Variants in ARSB observed in about 807,000 individuals in gnomAD.
ARSB encodes the protein arylsulfatase B, also known as N-acetylgalactosamine-4-sulfatase.
ARSB carries 41 observed loss-of-function variants against 50.9 expected under a neutral mutation model. The ratio of observed to expected loss-of-function variants is 0.81; its 90% CI spans 0.63 to 1.04. ARSB has a LOEUF of 1.04. Ranked by LOEUF, ARSB falls within the 50% of genes least tolerant of loss-of-function variation. The probability of loss-of-function intolerance (pLI) is 0.00; values close to 1 mark genes in which losing one functional copy is unlikely to be tolerated. For missense variants in ARSB, 672 were observed against 693.3 expected, an observed-to-expected ratio of 0.97 and a Z score of 0.35; for synonymous variants, 269 against 284.8, an observed-to-expected ratio of 0.94 and a Z score of 0.56.
chr5:78,778,692 C>G lies in ARSB; in HGVS notation c.*1705G>C, dbSNP rs903760421. On this transcript the variant is annotated 3_prime_UTR_variant, in exon 8 of 8. Transcript: ENST00000264914. ...GACTAGCATCTTTCATGGTGTGAGA[C>G]TTTCTCATTTACTCATTTGTCCATT... is the stretch of plus-strand genomic sequence containing the variant. 9 of 152,168 alleles carry G rather than the reference C, an allele frequency of 5.9e-5. No individual in the cohort carries two copies. Among genetic ancestry groups the G allele is most frequent in the African/African-American group, 1.9e-4 (8 of 41,434 alleles). The allele number at this position is 152,168 out of a possible 1,614,324, so 9.4% of individuals were successfully genotyped here.
In ARSB at chr5:78,780,422, G is replaced by T; in HGVS notation, c.1577C>A (p.Thr526Asn). The change falls in exon 8 of 8, where the codon ACT (threonine) becomes AAT (asparagine). Residue 526 changes from threonine (T) to asparagine (N), a missense_variant. Coordinates refer to ENST00000264914, the MANE Select transcript of ARSB (RefSeq NM_000046.5). Reference protein sequence around the residue: ...AQDPRCDPKATGVWGPWM With the variant: ...AQDPRCDPKANGVWGPWM Reference sequence around the variant, plus strand: ...CTACATCCAAGGGCCCCACACCCCAGTGGCCTTGGGATCACAGCGGGGGTC... The same window carrying T: ...CTACATCCAAGGGCCCCACACCCCATTGGCCTTGGGATCACAGCGGGGGTC... 1 of 1,614,156 alleles carries T rather than the reference G, an allele frequency of 6.2e-7. No individual in the cohort carries two copies.
chr5:78,969,119 A>G lies in ARSB; in HGVS notation c.386T>C (p.Leu129Pro), dbSNP rs1352721120. ...ACCTGCTTCTTTTAGGAGCTGGGGC[A>G]GGAGTTTTTCATCCAGAGGAACACA... Reference protein sequence around the residue: ...PSCVPLDEKLLPQLLKEAGYT... With the variant: ...PSCVPLDEKLPPQLLKEAGYT... The change falls in exon 2 of 8, where the codon CTG becomes CCG. Residue 129 changes from leucine to proline, a missense_variant. Physicochemically the swap from Leu to Pro is moderately conservative, Grantham distance 98. Coordinates refer to ENST00000264914, the MANE Select transcript of ARSB (RefSeq NM_000046.5). 6.2e-7 allele frequency: 1 copy of G among 1,614,208 alleles called. No individual in the cohort carries two copies. The highest frequency in any genetic ancestry group is 8.5e-7 in the Non-Finnish European group (1 of 1,180,020).
chr5:78,846,331 T>C (rs1745438792), intron 5 of ARSB, among the ~76,000 whole-genome samples: 1 of 152,198 alleles, frequency 6.6e-6, no homozygotes, highest in Non-Finnish European at 1.5e-5. Context: ...CCTCCAACTT[T>C]GTTCTTTTCA....
chr5:78,903,796 C>A (rs1443882664), intron 4 of ARSB, among the ~76,000 whole-genome samples: 1 of 152,180 alleles, frequency 6.6e-6, no homozygotes, highest in Non-Finnish European at 1.5e-5. Context: ...CTATACTTCA[C>A]ATAGTCATGA....
intron 4 of ARSB, among the ~76,000 whole-genome samples, chr5:78,929,114 C>T (rs1750197206): frequency 6.6e-6 from 1 of 152,210 alleles, no homozygotes; most frequent in South Asian, 2.1e-4. Context: ...CAGACTTCAT[C>T]TTTCTGTTCT....
intron 6 of ARSB, among the ~76,000 whole-genome samples, chr5:78,798,140 C>T (rs925187775): frequency 3.9e-5 from 6 of 152,080 alleles, no homozygotes; most frequent in African/African-American, 9.7e-5. Flanking sequence ...CATGAACTTG[C>T]GGATCTGATG....
intron 6 of ARSB, among the ~76,000 whole-genome samples, chr5:78,789,607 C>T (rs1243386286): frequency 6.6e-6 from 1 of 152,150 alleles, no homozygotes; most frequent in East Asian, 1.9e-4. Context: ...CCATCATATC[C>T]TGGAGGGCAG....
intron 1 of ARSB, among the ~76,000 whole-genome samples, chr5:78,979,652 T>C (rs1296751666): frequency 2.0e-5 from 3 of 152,158 alleles, no homozygotes; most frequent in Non-Finnish European, 4.4e-5. Flanking sequence ...CCCCCTTTTT[T>C]CCTTTTCACC....
intron 4 of ARSB, among the ~76,000 whole-genome samples, chr5:78,942,220 T>C (rs1481472909): frequency 2.0e-5 from 3 of 152,202 alleles, no homozygotes; most frequent in Admixed American, 2.0e-4. Flanking sequence ...TTGTTGATCT[T>C]TTCAAAAAAC....
At chr5:78,844,856 C>T (rs553777372) in intron 5 of ARSB, among the ~76,000 whole-genome samples, 2 of 152,138 alleles carry the variant, frequency 1.3e-5, no homozygotes, top group East Asian at 3.9e-4. Flanking sequence ...ACCATCACCT[C>T]AAATATTTAT....
chr5:78,909,661 G>A (rs576850063), intron 4 of ARSB, among the ~76,000 whole-genome samples: 1 of 152,188 alleles, frequency 6.6e-6, no homozygotes, highest in East Asian at 1.9e-4. Context: ...ATGCACTGCA[G>A]AAAGCCACAG....
At chr5:78,897,981 C>A (rs1748646649) in intron 4 of ARSB, among the ~76,000 whole-genome samples, 1 of 152,000 alleles carries the variant, frequency 6.6e-6, no homozygotes, top group Non-Finnish European at 1.5e-5. Flanking sequence ...AAAAACCTCC[C>A]CACAGGCCGG....
intron 5 of ARSB, among the ~76,000 whole-genome samples, chr5:78,869,273 G>C (rs1746985059): frequency 8.6e-6 from 1 of 116,640 alleles, no homozygotes. Context: ...AAGTCAACAA[G>C]GATACCCAGG....
intron 6 of ARSB, among the ~76,000 whole-genome samples, chr5:78,808,047 C>T (rs1358085327): frequency 3.8e-5 from 5 of 132,224 alleles, no homozygotes; most frequent in African/African-American, 1.6e-4. Flanking sequence ...GAGCCGAGAT[C>T]CCGCCACTGC....
intron 5 of ARSB, among the ~76,000 whole-genome samples, chr5:78,854,753 G>A (rs1382460392): frequency 6.6e-6 from 1 of 152,156 alleles, no homozygotes; most frequent in African/African-American, 2.4e-5. Context: ...ACTGTTTCTT[G>A]TAAAGCCAGT....
At chr5:78,800,055 C>A (rs562101652) in intron 6 of ARSB, among the ~76,000 whole-genome samples, 1 of 152,246 alleles carries the variant, frequency 6.6e-6, no homozygotes, top group Middle Eastern at 3.4e-3. Flanking sequence ...CGGTGGCTCA[C>A]GTCTGTAATC....
chr5:78,783,964 A>C (rs1749002675), intron 6 of ARSB, among the ~76,000 whole-genome samples: 1 of 152,190 alleles, frequency 6.6e-6, no homozygotes, highest in Non-Finnish European at 1.5e-5. Context: ...CCATCACCCA[A>C]AATGAACAGA....
chr5:78,856,227 A>G (rs1746134924), intron 5 of ARSB, among the ~76,000 whole-genome samples: 1 of 152,330 alleles, frequency 6.6e-6, no homozygotes, highest in East Asian at 1.9e-4. Flanking sequence ...ATCTAAGATT[A>G]AGAATCACTG....
chr5:78,985,365 C>T (rs950284372), upstream of ARSB: 11 of 1,054,030 alleles, frequency 1.0e-5, no homozygotes, highest in Non-Finnish European at 1.3e-5. Context: ...GCACCCCCAG[C>T]GGGCCGTGGG....
Sources: allele counts gnomAD v4.1 joint callset (sites outside exome capture counted in the v4.1 genomes callset), GRCh38; gene constraint gnomAD v4.1.1; transcripts MANE v1.5; gene names NCBI Gene and HGNC (gene_info 2026-07-23, HGNC 2026-07-21).